The following MGAT4C variants were observed in gnomAD, a reference collection of about 807,000 sequenced individuals.
MGAT4C encodes alpha-1,3-mannosyl-glycoprotein 4-beta-N-acetylglucosaminyltransferase C.
Under a neutral mutation model 40.1 loss-of-function variants are expected in MGAT4C, and 19 were observed. That is an observed-to-expected ratio of 0.47 (90% CI 0.33 to 0.70). The LOEUF (loss-of-function observed/expected upper bound fraction) is 0.70, where lower values mean the gene tolerates loss of function less well. Among genes scored for constraint, MGAT4C ranks in the 30% least tolerant of loss-of-function variants. MGAT4C has a pLI of 0.02. For missense variants in MGAT4C, 491 were observed against 563.2 expected (o/e 0.87, Z 1.30); for synonymous variants, 181 against 187.1 (o/e 0.97, Z 0.27).
At chr12:86,421,450 A>G (rs1017910369) in intron 3 of MGAT4C, among the ~76,000 whole-genome samples, 1 of 152,106 alleles carries the variant, frequency 6.6e-6, no homozygotes, top group Non-Finnish European at 1.5e-5. Context: ...CTATTTAATG[A>G]TTTGCCAAGC....
intron 1 of MGAT4C, among the ~76,000 whole-genome samples, chr12:86,108,913 C>T (rs191759916): frequency 6.6e-6 from 1 of 152,166 alleles, no homozygotes; most frequent in Non-Finnish European, 1.5e-5. Context: ...TCCCAGCCTA[C>T]AGTTTGGCCA....
At chr12:86,234,235 A>G (rs1427301339) in intron 1 of MGAT4C, among the ~76,000 whole-genome samples, 4 of 152,176 alleles carry the variant, frequency 2.6e-5, no homozygotes, top group African/African-American at 9.7e-5. Context: ...AAATTGAATT[A>G]TTTGAAATAG....
At chr12:86,489,783 C>T (rs953910566) in intron 2 of MGAT4C, among the ~76,000 whole-genome samples, 1 of 152,072 alleles carries the variant, frequency 6.6e-6, no homozygotes, top group East Asian at 1.9e-4. Flanking sequence ...TGCATCAAAG[C>T]CTCAGGAGCC....
At chr12:86,161,066 A>C (rs1885535896) in intron 1 of MGAT4C, among the ~76,000 whole-genome samples, 1 of 152,046 alleles carries the variant, frequency 6.6e-6, no homozygotes, top group Non-Finnish European at 1.5e-5. Context: ...TCATTATTGT[A>C]AAAATGGCCA....
intron 1 of MGAT4C, among the ~76,000 whole-genome samples, chr12:86,155,509 AAAAT>A (rs1884826379): frequency 6.6e-6 from 1 of 152,194 alleles, no homozygotes; most frequent in African/African-American, 2.4e-5. Context: ...GGTTTAAAGG[AAAAT>A]AAATAATTAA....
rs1236871801 is a variant in MGAT4C at position 86,460,015 on chromosome 12, G to C, written c.-228-24750C>G. Among the ~76,000 whole-genome samples, 3 of 151,870 alleles carry C rather than the reference G, an allele frequency of 2.0e-5. No individual in the cohort carries two copies. In the East Asian group the frequency reaches 5.8e-4, roughly 29 times the overall value. On this transcript the variant is annotated intron_variant, in intron 2 of 7. Coordinates refer to the MGAT4C transcript ENST00000548651. ...ACATCTTTAGTAAAGTATTGATGCT[G>C]TACTAACTTTGTAGATTTGTAACGC...
chr12:86,533,814 C>T (rs1959024350), intron 2 of MGAT4C, among the ~76,000 whole-genome samples: 1 of 151,460 alleles, frequency 6.6e-6, no homozygotes, highest in South Asian at 2.1e-4. Flanking sequence ...TGGGAAGCAC[C>T]CCCACCACCC....
In MGAT4C at chr12:86,403,764, T is replaced by A. The variant is rs1956413667; in HGVS notation, c.-120+31393A>T. Among the ~76,000 whole-genome samples, 3 of 152,232 alleles carry A rather than the reference T, an allele frequency of 2.0e-5. No homozygotes were observed. The South Asian group carries it at 6.2e-4, about 31-fold the overall frequency. ...GCCACTGTTTTCCTGAAATACTTTT[T>A]ATTGTCCTGGAAGAATGAAGATAGT... On this transcript the variant is annotated intron_variant, in intron 3 of 7. Coordinates refer to the MGAT4C transcript ENST00000548651.
At chr12:86,088,721 A>G (rs948202892) in intron 1 of MGAT4C, among the ~76,000 whole-genome samples, 3 of 151,896 alleles carry the variant, frequency 2.0e-5, no homozygotes, top group African/African-American at 7.2e-5. Flanking sequence ...TAATAGGGCT[A>G]CTATTAAAAG....
chr12:86,418,545 C>T (rs769894085), intron 3 of MGAT4C, among the ~76,000 whole-genome samples: 11 of 151,752 alleles, frequency 7.2e-5, no homozygotes, highest in African/African-American at 2.2e-4. Flanking sequence ...GAGCCAAGAT[C>T]GTGCCACTGC....
chr12:86,489,750 G>T (rs1389108839), intron 2 of MGAT4C, among the ~76,000 whole-genome samples: 2 of 152,128 alleles, frequency 1.3e-5, no homozygotes, highest in Non-Finnish European at 2.9e-5. Context: ...CAGGAGTCCT[G>T]CAAAGGAGTT....
chr12:86,174,658 A>G (rs1329328208), intron 1 of MGAT4C, among the ~76,000 whole-genome samples: 1 of 152,188 alleles, frequency 6.6e-6, no homozygotes, highest in Non-Finnish European at 1.5e-5. Flanking sequence ...CAGTAATTCC[A>G]ATATCAAAAC....
intron 2 of MGAT4C, among the ~76,000 whole-genome samples, chr12:86,696,209 A>G (rs1465508447): frequency 6.6e-6 from 1 of 151,312 alleles, no homozygotes; most frequent in Non-Finnish European, 1.5e-5. Flanking sequence ...ACAGAGTGAG[A>G]CTCAGAAAAA....
intron 1 of MGAT4C, among the ~76,000 whole-genome samples, chr12:86,822,080 T>C (rs1952716149): frequency 6.7e-6 from 1 of 150,366 alleles, no homozygotes. Flanking sequence ...AAGTGTAGAG[T>C]TTTATAAGTG....
chr12:86,222,945 A>G (rs959148308), intron 1 of MGAT4C, among the ~76,000 whole-genome samples: 1 of 152,188 alleles, frequency 6.6e-6, no homozygotes, highest in Non-Finnish European at 1.5e-5. Flanking sequence ...ACCATTTTAC[A>G]ACCCTAACTA....
At chr12:86,831,768 C>A (rs1952932798) in intron 1 of MGAT4C, among the ~76,000 whole-genome samples, 1 of 151,590 alleles carries the variant, frequency 6.6e-6, no homozygotes, top group Admixed American at 6.6e-5. Flanking sequence ...TATTAAGGTT[C>A]TACATAGGCA....
At chr12:86,389,949 T>C (rs1452694868) in intron 3 of MGAT4C, among the ~76,000 whole-genome samples, 1 of 152,206 alleles carries the variant, frequency 6.6e-6, no homozygotes, top group Admixed American at 6.5e-5. Context: ...AACAGAAAAG[T>C]ATAGAAGTCT....
At chr12:86,147,344 T>C (rs889433559) in intron 1 of MGAT4C, among the ~76,000 whole-genome samples, 5 of 152,168 alleles carry the variant, frequency 3.3e-5, no homozygotes, top group East Asian at 1.9e-4. Flanking sequence ...CGGGTTCACG[T>C]CATTCTCCTG....
intron 2 of MGAT4C, among the ~76,000 whole-genome samples, chr12:86,464,999 T>C (rs1340478075): frequency 6.6e-6 from 1 of 152,110 alleles, no homozygotes; most frequent in African/African-American, 2.4e-5. Flanking sequence ...TAGCCCTATA[T>C]GGCAAGTAAG....
Sources: allele counts gnomAD v4.1 joint callset (sites outside exome capture counted in the v4.1 genomes callset), GRCh38; gene constraint gnomAD v4.1.1; transcripts MANE v1.5; gene names NCBI Gene and HGNC (gene_info 2026-07-23, HGNC 2026-07-21).